Variants in HERC1 observed in about 807,000 individuals in gnomAD.
HERC1 encodes the protein HECT and RLD domain containing E3 ubiquitin protein ligase family member 1, also known as probable E3 ubiquitin-protein ligase HERC1.
Under a neutral mutation model 554.3 loss-of-function variants are expected in HERC1, and 160 were observed. That is an observed-to-expected ratio of 0.29 (90% confidence interval 0.25 to 0.33). HERC1 has a LOEUF of 0.33. Ranked by LOEUF, HERC1 falls within the 10% of genes least tolerant of loss-of-function variation. HERC1 has a pLI of 1.00. For synonymous variants in HERC1, 2,175 were observed against 2,131.7 expected, an observed-to-expected ratio of 1.02 and a Z score of -0.56; for missense variants, 4,919 against 5,918.5, an observed-to-expected ratio of 0.83 and a Z score of 5.54.
At chr15:63,794,374 A>G (rs1480846666) in intron 1 of HERC1, among the ~76,000 whole-genome samples, 1 of 152,086 alleles carries the variant, frequency 6.6e-6, no homozygotes, top group African/African-American at 2.4e-5. Context: ...TTGTGGTTCT[A>G]TGGAAGCTTC....
chr15:63,657,309 T>C (rs12900621), intron 48 of HERC1, among the ~76,000 whole-genome samples: 69,567 of 147,538 alleles, frequency 0.47, 17,364 homozygotes, highest in Non-Finnish European at 0.54. Flanking sequence ...TTTCCCAGGC[T>C]GGTCTCAAAC....
intron 1 of HERC1, among the ~76,000 whole-genome samples, chr15:63,792,624 T>C (rs1311060368): frequency 6.6e-6 from 1 of 152,182 alleles, no homozygotes; most frequent in Non-Finnish European, 1.5e-5. Flanking sequence ...TATTACCTTC[T>C]TGGATGATAT....
intron 48 of HERC1, among the ~76,000 whole-genome samples, chr15:63,658,010 G>C (rs965551805): frequency 6.6e-6 from 1 of 152,122 alleles, no homozygotes; most frequent in African/African-American, 2.4e-5. Context: ...GCCTATCCTT[G>C]AGCCAATAGC....
At position 63,774,687 on chromosome 15, in the gene HERC1, T is replaced by C. The variant is rs1476537667; in HGVS notation, c.930+7A>G. 6.3e-7 allele frequency: 1 copy of C among 1,582,040 alleles called. No homozygotes were observed. Among genetic ancestry groups the C allele is most frequent in the South Asian group, 1.2e-5 (1 of 86,032 alleles). ...TGAACTTTAAAGTTGAGACTTATAG[T>C]ACGTACCAAAGAACGCCTCATCTGC... On this transcript the variant is annotated splice_region_variant and intron_variant, in intron 2 of 77. Transcript: ENST00000443617.
At chr15:63,657,288 G>A (rs145173323) in intron 48 of HERC1, among the ~76,000 whole-genome samples, 1,623 of 147,516 alleles carry the variant, frequency 0.011, 26 homozygotes, top group African/African-American at 0.039. Flanking sequence ...TTGAGACAGG[G>A]TCTCACTATG....
intron 67 of HERC1, 75 bp downstream of exon 67, chr15:63,633,773 C>T: frequency 1.4e-6 from 2 of 1,445,758 alleles, no homozygotes; most frequent in South Asian, 1.3e-5. Flanking sequence ...AAATTATTTC[C>T]AACTAATAAT....
In HERC1 at chr15:63,626,238, G is replaced by T. The variant is rs2068296025; in HGVS notation, c.13106-84C>A. 5 of 1,354,602 alleles carry T rather than the reference G, an allele frequency of 3.7e-6. No individual in the cohort carries two copies. In the Admixed American group the frequency reaches 1.1e-4, roughly 30 times the overall value. The allele number at this position is 1,354,602 out of a possible 1,614,324, so 83.9% of individuals were successfully genotyped here. On this transcript the variant is annotated intron_variant, in intron 70 of 77. Transcript: ENST00000443617. The stretch of plus-strand genomic sequence containing the variant: ...TTTTGAAAAATTTCAAGCATACAGA[G>T]AAGTTGAGATAATTACACAATGGAC...
intron 2 of HERC1, among the ~76,000 whole-genome samples, chr15:63,774,332 A>C (rs1354008510): frequency 1.3e-5 from 2 of 152,232 alleles, no homozygotes; most frequent in African/African-American, 4.8e-5. Flanking sequence ...GTTTAACATA[A>C]ATTGGGAAAT....
chr15:63,822,854 G>C (rs930666214), intron 1 of HERC1, among the ~76,000 whole-genome samples: 1 of 152,078 alleles, frequency 6.6e-6, no homozygotes, highest in Non-Finnish European at 1.5e-5. Flanking sequence ...AAGATGATTT[G>C]CTAATAGACT....
chr15:63,648,308 A>C (rs1189517262), intron 54 of HERC1, 109 bp from the exon 55 acceptor site: 2 of 1,093,002 alleles, frequency 1.8e-6, no homozygotes, highest in Non-Finnish European at 2.6e-6. Context: ...ATTGCAAGTA[A>C]ATTTCCAAAT....
At chr15:63,628,518 A>C (rs1162595007) in intron 70 of HERC1, among the ~76,000 whole-genome samples, 159 bp downstream of exon 70, 1 of 152,246 alleles carries the variant, frequency 6.6e-6, no homozygotes, top group African/African-American at 2.4e-5. Flanking sequence ...TGCTATGAAA[A>C]TACTTCCAGT....
At chr15:63,703,709 ACC>A (rs1596017000) in intron 25 of HERC1, among the ~76,000 whole-genome samples, 1 of 152,168 alleles carries the variant, frequency 6.6e-6, no homozygotes, top group African/African-American at 2.4e-5. Flanking sequence ...ACATGGCGAA[ACC>A]CCGTTTCTAC....
chr15:63,658,062 CT>C (rs1334555210), intron 48 of HERC1, among the ~76,000 whole-genome samples: 1 of 152,184 alleles, frequency 6.6e-6, no homozygotes, highest in Non-Finnish European at 1.5e-5. Context: ...CAGGATCTTT[CT>C]GCCTTCACTG....
In HERC1 at chr15:63,664,451, A is replaced by T. The variant is rs761553029; in HGVS notation, c.8680+19T>A. Reference sequence around the variant, plus strand: ...AATAAGATCTTTCACAAAGAAAAGGATACGGAACATAAAATTACCTGCTCT... The same window carrying T: ...AATAAGATCTTTCACAAAGAAAAGGTTACGGAACATAAAATTACCTGCTCT... On this transcript the variant is annotated intron_variant, in intron 43 of 77. Coordinates refer to ENST00000443617, the MANE Select transcript of HERC1 (RefSeq NM_003922.4). 1 of 1,603,388 alleles carries T rather than the reference A, an allele frequency of 6.2e-7. No individual in the cohort carries two copies. Among genetic ancestry groups the T allele is most frequent in the East Asian group, 2.2e-5 (1 of 44,612 alleles).
intron 67 of HERC1, among the ~76,000 whole-genome samples, 166 bp from the exon 68 acceptor site, chr15:63,632,977 G>A (rs1158762385): frequency 1.3e-5 from 2 of 152,192 alleles, no homozygotes; most frequent in Non-Finnish European, 2.9e-5. Flanking sequence ...CTACTGTTCT[G>A]CAAACTAACT....
intron 12 of HERC1, among the ~76,000 whole-genome samples, chr15:63,742,643 T>C (rs2074856354): frequency 6.6e-6 from 1 of 152,328 alleles, no homozygotes; most frequent in South Asian, 2.1e-4. Flanking sequence ...AAAGTTCCCT[T>C]CTATTCCTAG....
In HERC1 at chr15:63,718,853, C is replaced by T; in HGVS notation, c.3787G>A (p.Val1263Met). The T allele has an allele frequency of 5.0e-6, 8 of 1,613,624 alleles. No individual in the cohort carries two copies. The highest frequency in any genetic ancestry group is 5.9e-6 in the Non-Finnish European group (7 of 1,179,658). ...AGAGCTGCAAGAACAAATCTAGACA[C>T]AGTGTCCAAGAGTGACTCATTACTT... is the stretch of plus-strand genomic sequence containing the variant. ...TLSNESLLDT[V>M]SRFVLAALLK... Residue 1263 changes from valine to methionine, a missense_variant, in exon 20 of 78, where the codon GTG becomes ATG. This residue lies in a region of HERC1 where 1,121 missense variants were observed against 1,244.0 expected (regional missense o/e 0.90). Transcript: ENST00000443617. The surrounding 1 kb of genome is among the most constrained non-coding windows in gnomAD (Gnocchi z 4.2).
intron 14 of HERC1, among the ~76,000 whole-genome samples, chr15:63,731,047 T>A (rs1480856185): frequency 6.6e-5 from 10 of 152,256 alleles, no homozygotes. Flanking sequence ...CTATTTTTGG[T>A]CTGCTCTTTT....
At chr15:63,796,599 G>C (rs1381555681) in intron 1 of HERC1, among the ~76,000 whole-genome samples, 1 of 152,194 alleles carries the variant, frequency 6.6e-6, no homozygotes, top group Non-Finnish European at 1.5e-5. Context: ...AGGAGGTCCT[G>C]ATGACATGTA....
Sources: gnomAD v4.1 joint callset for allele counts (sites outside exome capture counted in the v4.1 genomes callset) on GRCh38, gnomAD v4.1.1 for gene constraint, gnomAD v4.1.1 regional missense constraint, Gnocchi (gnomAD v3.1) non-coding constraint, MANE v1.5 for transcripts, NCBI Gene and HGNC (gene_info 2026-07-23, HGNC 2026-07-21) for gene names.